The following SPPL2A variants were observed in gnomAD, a reference collection of about 807,000 sequenced individuals.
The protein encoded by SPPL2A is signal peptide peptidase like 2A, also known as signal peptide peptidase-like 2A.
A neutral mutation model predicts 63.8 loss-of-function variants in SPPL2A; 51 were observed. That is an observed-to-expected ratio of 0.80 (90% confidence interval 0.64 to 1.01). The LOEUF (loss-of-function observed/expected upper bound fraction) is 1.01, where lower values mean the gene tolerates loss of function less well. Ranked by LOEUF, SPPL2A falls within the 50% of genes least tolerant of loss-of-function variation. The pLI is 0.00. For synonymous variants in SPPL2A, 188 were observed against 205.8 expected (o/e 0.91, Z 0.74); for missense variants, 553 against 622.7 (o/e 0.89, Z 1.19).
At chr15:50,710,429 T>C (rs2062547219) in intron 14 of SPPL2A, among the ~76,000 whole-genome samples, 1 of 152,194 alleles carries the variant, frequency 6.6e-6, no homozygotes, top group African/African-American at 2.4e-5. Context: ...AGCATCTCTA[T>C]TCCCTATTTA....
At chr15:50,754,001 T>C (rs2062932484) in intron 1 of SPPL2A, among the ~76,000 whole-genome samples, 1 of 152,196 alleles carries the variant, frequency 6.6e-6, no homozygotes, top group African/African-American at 2.4e-5. Flanking sequence ...TTCACCATGT[T>C]GGCCAGGCTG....
At chr15:50,716,715 T>C (rs2062601825) in intron 14 of SPPL2A, among the ~76,000 whole-genome samples, 1 of 152,208 alleles carries the variant, frequency 6.6e-6, no homozygotes, top group African/African-American at 2.4e-5. Flanking sequence ...CTTGTCTTCT[T>C]TGTCCTGATT....
At chr15:50,758,360 T>C (rs536284663) in intron 1 of SPPL2A, among the ~76,000 whole-genome samples, 5 of 150,700 alleles carry the variant, frequency 3.3e-5, no homozygotes. Flanking sequence ...TCATTTAGAG[T>C]CTCACTCTGT....
At chr15:50,725,417 T>C (rs561248916) in intron 11 of SPPL2A, 94 bp from the exon 12 acceptor site, 7 of 718,126 alleles carry the variant, frequency 9.7e-6, no homozygotes, top group Non-Finnish European at 1.5e-5. Context: ...TCATATCTTT[T>C]ATTTACTAAT....
At chr15:50,728,623 G>A (rs2062705746) in intron 10 of SPPL2A, among the ~76,000 whole-genome samples, 1 of 149,568 alleles carries the variant, frequency 6.7e-6, no homozygotes, top group Admixed American at 6.7e-5. Flanking sequence ...TGGGATTACA[G>A]GCGTGAACCA....
chr15:50,718,273 G>A (rs890299763), intron 14 of SPPL2A, among the ~76,000 whole-genome samples: 8 of 152,030 alleles, frequency 5.3e-5, no homozygotes, highest in Non-Finnish European at 8.8e-5. Flanking sequence ...CACCGCGACC[G>A]GCTAGACTGT....
chr15:50,712,627 T>C (rs1290464344), intron 14 of SPPL2A, among the ~76,000 whole-genome samples: 1 of 150,586 alleles, frequency 6.6e-6, no homozygotes, highest in Non-Finnish European at 1.5e-5. Flanking sequence ...CCACTATGGA[T>C]TTCCTTCCTT....
intron 8 of SPPL2A, among the ~76,000 whole-genome samples, chr15:50,735,542 C>CAT (rs1310217151): frequency 1.0e-4 from 11 of 107,916 alleles, no homozygotes; most frequent in Non-Finnish European, 1.6e-4. Context: ...CACATATATA[C>CAT]ATACACACAC....
chr15:50,757,239 C>T (rs1437630882), intron 1 of SPPL2A, among the ~76,000 whole-genome samples: 1 of 152,002 alleles, frequency 6.6e-6, no homozygotes, highest in Non-Finnish European at 1.5e-5. Context: ...GCCGCCACTG[C>T]GCCCGGCTAA....
chr15:50,725,439 A>G (rs761604398), intron 11 of SPPL2A, 116 bp from the exon 12 acceptor site: 11 of 655,870 alleles, frequency 1.7e-5, no homozygotes, highest in Non-Finnish European at 2.4e-5. Context: ...TATTTTTTGG[A>G]GACAGAGTCT....
rs202014149 is a variant in SPPL2A at position 50,736,102 on chromosome 15, T to G, written c.931A>C (p.Arg311=). Residue 311 remains arginine (R), a splice_region_variant and synonymous_variant, in exon 8 of 15, where the codon AGG becomes CGG. Transcript: ENST00000261854. ...AGCAAATACATTGAGTATTCATACC[T>G]GTCTTCATTTCGAAACACAGCCCAA... ...VVWAVFRNED[R]WAWILQDILG... 56 of 1,572,516 alleles carry G rather than the reference T, an allele frequency of 3.6e-5. No individual in the cohort carries two copies. Among genetic ancestry groups the G allele is most frequent in the Non-Finnish European group, 4.6e-5 (53 of 1,143,338 alleles).
chr15:50,717,882 T>C (rs1408196433), intron 14 of SPPL2A, among the ~76,000 whole-genome samples: 1 of 152,148 alleles, frequency 6.6e-6, no homozygotes, highest in Non-Finnish European at 1.5e-5. Context: ...CATCTATAGT[T>C]TTCATGGCAC....
chr15:50,748,926 A>G (rs2062882565), intron 2 of SPPL2A, 56 bp from the exon 3 acceptor site: 1 of 1,159,392 alleles, frequency 8.6e-7, no homozygotes, highest in East Asian at 2.6e-5. Flanking sequence ...TCCTAAATGC[A>G]TTCAGTTATA....
At chr15:50,709,175 TCAAATA>T (rs1428501475) in intron 14 of SPPL2A, among the ~76,000 whole-genome samples, 1 of 152,156 alleles carries the variant, frequency 6.6e-6, no homozygotes, top group East Asian at 1.9e-4. Context: ...TTTCAGCAAC[TCAAATA>T]CAATTACTAA....
chr15:50,719,020 A>C (rs944564960), intron 14 of SPPL2A, among the ~76,000 whole-genome samples: 1 of 152,070 alleles, frequency 6.6e-6, no homozygotes, highest in African/African-American at 2.4e-5. Context: ...GGGTTTCCCA[A>C]CTCTTCTTAA....
chr15:50,733,247 C>T (rs2062744653), intron 8 of SPPL2A, among the ~76,000 whole-genome samples: 1 of 152,148 alleles, frequency 6.6e-6, no homozygotes, highest in African/African-American at 2.4e-5. Context: ...AAGTAATTAT[C>T]CATTGATTAT....
intron 5 of SPPL2A, chr15:50,742,910 A>G (rs933687401): frequency 3.3e-5 from 5 of 152,188 alleles, no homozygotes; most frequent in African/African-American, 1.2e-4. Context: ...CGTGTATATA[A>G]AAAAGCTTGC....
Position 50,707,789 on chromosome 15 carries a change from TC to T in SPPL2A, c.*10del. ...AAAATCAATGACACATTATAGCAGT[TC>T]CACATAATATTATTGCTGGACAATC... On this transcript the variant is annotated 3_prime_UTR_variant, in exon 15 of 15. Coordinates refer to ENST00000261854, the MANE Select transcript of SPPL2A (RefSeq NM_032802.4). 7.1e-7 allele frequency: 1 copy of T among 1,411,806 alleles called. No individual in the cohort carries two copies. Among genetic ancestry groups the T allele is most frequent in the Non-Finnish European group, 1.0e-6 (1 of 997,468 alleles). The allele number at this position is 1,411,806 out of a possible 1,614,324, so 87.5% of individuals were successfully genotyped here.
At position 50,761,793 on chromosome 15, in the gene SPPL2A, G is replaced by A. The variant is rs118136148; in HGVS notation, c.66+3675C>T. ...TCTTCTAAAATACAAAAAATTAGCC[G>A]GGCATCACGACGTGCACCTGTAATC... On this transcript the variant is annotated intron_variant, in intron 1 of 14. Coordinates refer to ENST00000261854, the MANE Select transcript of SPPL2A (RefSeq NM_032802.4). Among the ~76,000 whole-genome samples the A allele has an allele frequency of 1.9e-3, 292 of 151,230 alleles. 4 individuals carry two copies. The highest frequency in any genetic ancestry group is 6.6e-3 in the African/African-American group (271 of 41,216).
Sources: allele counts gnomAD v4.1 joint callset (sites outside exome capture counted in the v4.1 genomes callset), GRCh38; gene constraint gnomAD v4.1.1; transcripts MANE v1.5; gene names NCBI Gene and HGNC (gene_info 2026-07-23, HGNC 2026-07-21).